The following LAMC3 variants were observed in gnomAD, a reference collection of about 807,000 sequenced individuals.
The protein encoded by LAMC3 is laminin subunit gamma 3, also known as laminin subunit gamma-3.
In LAMC3, 128 loss-of-function variants were observed where a neutral mutation model predicts 173.8. The observed-to-expected ratio is 0.74, with a 90% CI of 0.64 to 0.85. The LOEUF is 0.85. LAMC3 is among the 40% of genes least tolerant of loss of function. The probability of loss-of-function intolerance (pLI) is 0.00; values close to 1 mark genes in which losing one functional copy is unlikely to be tolerated. For synonymous variants in LAMC3, 897 were observed against 909.1 expected, an observed-to-expected ratio of 0.99 and a Z score of 0.24; for missense variants, 2,022 against 2,156.0, an observed-to-expected ratio of 0.94 and a Z score of 1.23.
chr9:131,056,248 C>T (rs4740213), intron 11 of LAMC3, among the ~76,000 whole-genome samples: 97,980 of 151,848 alleles, frequency 0.65, 32,073 homozygotes, highest in Non-Finnish European at 0.7. Flanking sequence ...AGAAATAGAC[C>T]TTAAACTTTG....
intron 2 of LAMC3, among the ~76,000 whole-genome samples, chr9:131,031,310 G>A (rs900842259): frequency 1.3e-5 from 2 of 152,056 alleles, no homozygotes; most frequent in Admixed American, 6.5e-5. Context: ...GGTTTTCCCC[G>A]ACTTCCCCTC....
rs141075974 is a variant in LAMC3, at chr9:131,056,964, G to T, written c.1975G>T (p.Ala659Ser). The T allele has an allele frequency of 1.1e-5, 18 of 1,613,392 alleles. No individual in the cohort carries two copies. In the African/African-American group the frequency reaches 2.0e-4, roughly 18 times the overall value. Residue 659 changes from alanine to serine, a missense_variant, in exon 12 of 28, where the codon GCC becomes TCC. Ala to Ser is a moderately conservative substitution (Grantham distance 99, BLOSUM62 1). Transcript: ENST00000361069. ...VFLTEVRLTS[A>S]RPGLSPPASW... Reference sequence around the variant, plus strand: ...CCTGACTGAGGTCCGGCTCACATCCGCCCGGCCAGGGCTTTCCCCGCCAGC... The same window carrying T: ...CCTGACTGAGGTCCGGCTCACATCCTCCCGGCCAGGGCTTTCCCCGCCAGC...
chr9:131,077,210 A>G lies in LAMC3; in HGVS notation c.3653A>G (p.Gln1218Arg), dbSNP rs778358318. The G allele has an allele frequency of 2.5e-6, 4 of 1,613,904 alleles. No individual in the cohort carries two copies. Among genetic ancestry groups the G allele is most frequent in the Admixed American group, 3.3e-5 (2 of 60,032 alleles). ...AGGTACCAGGAGGTCCAGGCGGCCC[A>G]GAAAGCACTGAGGACGGCTGTGGCA... ...EDRYQEVQAA[Q>R]KALRTAVAEV... The change falls in exon 22 of 28, where the codon CAG becomes CGG. Residue 1218 changes from glutamine to arginine, a missense_variant. Transcript: ENST00000361069.
chr9:131,053,369 G>A (rs1834337083), intron 11 of LAMC3, among the ~76,000 whole-genome samples: 1 of 152,116 alleles, frequency 6.6e-6, no homozygotes, highest in African/African-American at 2.4e-5. Context: ...CTGGTCACTG[G>A]CGGTATTGTA....
intron 24 of LAMC3, among the ~76,000 whole-genome samples, chr9:131,082,536 G>A (rs918406253): frequency 1.3e-5 from 2 of 152,198 alleles, no homozygotes; most frequent in Non-Finnish European, 2.9e-5. Context: ...TGGGGCTATG[G>A]GAAGCAGATG....
rs1294532549 is a variant in LAMC3, at chr9:131,079,148, G to T, written c.3778-1G>T. ...TGCCTGAGCGCATTGTCTCCCTGCA[G>T]CCTCAGAAGTCCCGGGCTGAAGACC... On this transcript the variant is annotated splice_acceptor_variant, in intron 22 of 27. Transcript: ENST00000361069. LOFTEE classifies it high-confidence loss of function. 2 of 1,613,100 alleles carry T rather than the reference G, an allele frequency of 1.2e-6. No homozygotes were observed. The highest frequency in any genetic ancestry group is 1.7e-6 in the Non-Finnish European group (2 of 1,179,582).
chr9:131,026,308 G>A lies in LAMC3; in HGVS notation c.397G>A (p.Val133Met), dbSNP rs1833714540. ...RLGKAYEITY[V>M]RLKFHTSRPE... ...AGGGAAGGCTTATGAGATCACGTATGTGAGGCTGAAGTTCCACACCAGTCG... is the reference window on the plus strand; with the variant it reads ...AGGGAAGGCTTATGAGATCACGTATATGAGGCTGAAGTTCCACACCAGTCG... The change falls in exon 2 of 28, where the codon GTG (valine) becomes ATG (methionine). Residue 133 changes from valine (V) to methionine (M), a missense_variant. Coordinates refer to ENST00000361069, the MANE Select transcript of LAMC3 (RefSeq NM_006059.4). This position sits in a 1 kb window ranked among gnomAD's most constrained non-coding sequence, Gnocchi z 4.8. 1 of 1,614,130 alleles carries A rather than the reference G, an allele frequency of 6.2e-7. No individual in the cohort carries two copies. Among genetic ancestry groups the A allele is most frequent in the African/African-American group, 1.3e-5 (1 of 75,064 alleles).
chr9:131,039,607 AG>A (rs3840731), intron 6 of LAMC3, among the ~76,000 whole-genome samples: 17,543 of 149,454 alleles, frequency 0.12, 1,343 homozygotes, highest in African/African-American at 0.21. Flanking sequence ...GGAGTGGGTG[AG>A]GGGGAGGCTG....
chr9:131,089,061 G>C (rs566806143), intron 27 of LAMC3, among the ~76,000 whole-genome samples: 5 of 151,922 alleles, frequency 3.3e-5, no homozygotes, highest in African/African-American at 1.2e-4. Flanking sequence ...CTCCAGCCTG[G>C]GTGAGAGTGA....
At position 131,032,441 on chromosome 9, in the gene LAMC3, C is replaced by CCTT. The variant is rs1564368180; in HGVS notation, c.809+267_809+268insTTC. Among the ~76,000 whole-genome samples the CCTT allele has an allele frequency of 3.7e-4, 54 of 145,504 alleles. No homozygotes were observed. The South Asian group carries it at 4.1e-3, about 11-fold the overall frequency. ...TCAGCCTGGAGGTTCCTTCCTTCCTCCCTCCCTCCCTCCCTTCCTCCCTTC... is the reference window on the plus strand; with the variant it reads ...TCAGCCTGGAGGTTCCTTCCTTCCTCCTTCCTCCCTCCCTCCCTTCCTCCCTTC... On this transcript the variant is annotated intron_variant, in intron 3 of 27. Transcript: ENST00000361069.
intron 12 of LAMC3, among the ~76,000 whole-genome samples, chr9:131,060,804 G>T (rs1829793235): frequency 6.6e-6 from 1 of 152,166 alleles, no homozygotes; most frequent in Admixed American, 6.5e-5. Flanking sequence ...AGACTGAGGT[G>T]TGGGGGCATC....
intron 24 of LAMC3, among the ~76,000 whole-genome samples, chr9:131,084,173 G>T (rs865853856): frequency 6.6e-6 from 1 of 151,474 alleles, no homozygotes; most frequent in African/African-American, 2.4e-5. Context: ...GTAAGTCACC[G>T]TGCCTGGCCT....
chr9:131,082,047 A>T lies in LAMC3; in HGVS notation c.3928-12A>T, dbSNP rs768080755. 1.2e-6 allele frequency: 2 copies of T among 1,610,096 alleles called. No individual in the cohort carries two copies. Among genetic ancestry groups the T allele is most frequent in the South Asian group, 2.2e-5 (2 of 90,912 alleles). ...GGAGCCAGCTGCCCAGCCTCTCCTCATCTCTCTCCAGCTGCACCAGGAGGC... is the reference window on the plus strand; with the variant it reads ...GGAGCCAGCTGCCCAGCCTCTCCTCTTCTCTCTCCAGCTGCACCAGGAGGC... On this transcript the variant is annotated splice_polypyrimidine_tract_variant and intron_variant, in intron 23 of 27. Transcript: ENST00000361069.
Position 131,026,470 on chromosome 9 carries a change from G to T in LAMC3, c.559G>T (p.Val187Leu), listed in dbSNP as rs144206115. ...QYLRPGEDER[V>L]AFCTSEFSDI... ...CCTGCGCCCCGGCGAGGACGAGCGC[G>T]TGGCCTTCTGCACCTCTGAGTTCAG... Residue 187 changes from valine to leucine, a missense_variant, in exon 2 of 28, where the codon GTG becomes TTG. Val to Leu is a conservative substitution (Grantham distance 32). Transcript: ENST00000361069. The surrounding 1 kb of genome is among the most constrained non-coding windows in gnomAD (Gnocchi z 4.8). 6.2e-7 allele frequency: 1 copy of T among 1,613,382 alleles called. No homozygotes were observed. The highest frequency in any genetic ancestry group is 8.5e-7 in the Non-Finnish European group (1 of 1,179,774).
chr9:131,072,967 G>A (rs576641819), intron 19 of LAMC3, 132 bp downstream of exon 19: 7 of 856,882 alleles, frequency 8.2e-6, no homozygotes, highest in Admixed American at 6.0e-5. Context: ...TGCAAAGTGG[G>A]GATCACACAG....
chr9:131,037,000 G>A (rs1217377465), intron 4 of LAMC3, among the ~76,000 whole-genome samples: 4 of 152,222 alleles, frequency 2.6e-5, no homozygotes, highest in African/African-American at 7.2e-5. Flanking sequence ...TCACAGGCTC[G>A]CTGGGCGGGC....
At chr9:131,075,346 G>A (rs1189891501) in intron 20 of LAMC3, among the ~76,000 whole-genome samples, 1 of 152,184 alleles carries the variant, frequency 6.6e-6, no homozygotes, top group Non-Finnish European at 1.5e-5. Flanking sequence ...GGCCGAGGTG[G>A]GTGGATCGCC....
In LAMC3 at chr9:131,062,121, G is replaced by A. The variant is rs1156551963; in HGVS notation, c.2347+898G>A. Among the ~76,000 whole-genome samples, 3 of 152,142 alleles carry A rather than the reference G, an allele frequency of 2.0e-5. No homozygotes were observed. In the East Asian group the frequency reaches 5.8e-4, roughly 29 times the overall value. On this transcript the variant is annotated intron_variant, in intron 13 of 27. Transcript: ENST00000361069. ...CTCATGCCTGTAATCCCAGCACTTT[G>A]GGAGGCTGAAGCGGGTGGATCACAA... is the stretch of plus-strand genomic sequence containing the variant.
Position 131,049,048 on chromosome 9 carries a change from G to C in LAMC3, c.1548G>C (p.Val516=), listed in dbSNP as rs1045584374. 1 of 1,551,234 alleles carries C rather than the reference G, an allele frequency of 6.4e-7. No homozygotes were observed. Among genetic ancestry groups the C allele is most frequent in the African/African-American group, 1.4e-5 (1 of 73,156 alleles). ...QGAEGWWARS[V]GGSEHPPQWS... Reference sequence around the variant, plus strand: ...CCGAAGGCTGGTGGGCCAGAAGTGTGGGGGGCTCTGAGCACCCCCCACAAT... The same window carrying C: ...CCGAAGGCTGGTGGGCCAGAAGTGTCGGGGGCTCTGAGCACCCCCCACAAT... Residue 516 remains valine (V), a synonymous_variant, in exon 9 of 28, where the codon GTG becomes GTC. Coordinates refer to ENST00000361069, the MANE Select transcript of LAMC3 (RefSeq NM_006059.4).
Sources: gnomAD v4.1 joint callset for allele counts (sites outside exome capture counted in the v4.1 genomes callset) on GRCh38, gnomAD v4.1.1 for gene constraint, Gnocchi (gnomAD v3.1) non-coding constraint, MANE v1.5 for transcripts, NCBI Gene and HGNC (gene_info 2026-07-23, HGNC 2026-07-21) for gene names.